STAU2: variants seen among roughly 807,000 people sequenced by gnomAD.
The protein encoded by STAU2 is staufen double-stranded RNA binding protein 2.
Under a neutral mutation model 65.9 loss-of-function variants are expected in STAU2, and 20 were observed. That is an observed-to-expected ratio of 0.30 (90% CI 0.21 to 0.44). The LOEUF (loss-of-function observed/expected upper bound fraction) is 0.44. Ranked by LOEUF, STAU2 falls within the 20% of genes least tolerant of loss-of-function variation. The probability of loss-of-function intolerance (pLI) is 1.00; values close to 1 mark genes in which losing one functional copy is unlikely to be tolerated. For missense variants in STAU2, 558 were observed against 683.9 expected, an observed-to-expected ratio of 0.82 and a Z score of 2.05; for synonymous variants, 232 against 233.9, an observed-to-expected ratio of 0.99 and a Z score of 0.07.
intron 13 of STAU2, among the ~76,000 whole-genome samples, chr8:73,460,181 A>C (rs1819278372): frequency 6.6e-6 from 1 of 152,142 alleles, no homozygotes; most frequent in Non-Finnish European, 1.5e-5. Flanking sequence ...TTCTGGCAAA[A>C]CATTCCTTCT....
rs1020525639 is a variant in STAU2, at chr8:73,433,443, A to T, written c.1531-10741T>A. Among the ~76,000 whole-genome samples, 33 of 149,348 alleles carry T rather than the reference A, an allele frequency of 2.2e-4. 1 individual carries two copies. The highest frequency in any genetic ancestry group is 2.1e-4 in the South Asian group (1 of 4,764). Reference sequence around the variant, plus strand: ...ATGGTCTCGATCTCCTGACCTCATGATCCGCCCACCTCGGCCTCCCAAAGC... The same window carrying T: ...ATGGTCTCGATCTCCTGACCTCATGTTCCGCCCACCTCGGCCTCCCAAAGC... On this transcript the variant is annotated intron_variant, in intron 13 of 14. Transcript: ENST00000524300.
intron 6 of STAU2, among the ~76,000 whole-genome samples, chr8:73,626,362 A>G (rs1161701073): frequency 6.6e-6 from 1 of 152,220 alleles, no homozygotes; most frequent in Non-Finnish European, 1.5e-5. Flanking sequence ...ACAAGCCCTG[A>G]GTCAAGGAAT....
intron 10 of STAU2, 89 bp from the exon 11 acceptor site, chr8:73,595,386 T>C (rs879216224): frequency 3.3e-6 from 4 of 1,223,118 alleles, no homozygotes; most frequent in South Asian, 1.9e-5. Flanking sequence ...TTCTACTCTC[T>C]AGCATTTGAA....
intron 12 of STAU2, among the ~76,000 whole-genome samples, chr8:73,572,189 G>A (rs1382241116): frequency 1.3e-5 from 2 of 152,178 alleles, no homozygotes; most frequent in Non-Finnish European, 2.9e-5. Flanking sequence ...ACCCTCCTAA[G>A]ACTAAACCAG....
chr8:73,481,519 A>AC lies in STAU2; in HGVS notation c.1531-58818_1531-58817insG, dbSNP rs1554595578. ...ATAAGCCAAAAAAACAAAAAAACAAAAAAAAAAAACACTTTTTTTGAGTGA... is the reference window on the plus strand; with the variant it reads ...ATAAGCCAAAAAAACAAAAAAACAAACAAAAAAAAACACTTTTTTTGAGTGA... On this transcript the variant is annotated intron_variant, in intron 13 of 14. Transcript: ENST00000524300. 8.2e-4 allele frequency among the ~76,000 whole-genome samples: 108 copies of AC among 131,478 alleles called. 3 individuals carry two copies. The highest frequency in any genetic ancestry group is 3.1e-3 in the African/African-American group (106 of 34,746). The allele number at this position is 131,478 out of a possible 152,430, so 86.3% of individuals were successfully genotyped here.
At chr8:73,557,432 G>T (rs572851685) in intron 12 of STAU2, among the ~76,000 whole-genome samples, 8 of 152,124 alleles carry the variant, frequency 5.3e-5, no homozygotes, top group African/African-American at 1.7e-4. Context: ...AATTTAAGTC[G>T]CTTTTCAATA....
At chr8:73,621,189 G>C (rs1276020066) in intron 6 of STAU2, among the ~76,000 whole-genome samples, 1 of 152,118 alleles carries the variant, frequency 6.6e-6, no homozygotes, top group Non-Finnish European at 1.5e-5. Flanking sequence ...GAGGGACCTG[G>C]TTGGAGGTTA....
chr8:73,473,221 C>CT, intron 13 of STAU2, among the ~76,000 whole-genome samples: 1 of 152,164 alleles, frequency 6.6e-6, no homozygotes, highest in East Asian at 1.9e-4. Context: ...GCAGTGGTGA[C>CT]TTTCATCAGT....
chr8:73,533,849 C>T (rs2128934362), intron 13 of STAU2, among the ~76,000 whole-genome samples: 1 of 152,246 alleles, frequency 6.6e-6, no homozygotes, highest in African/African-American at 2.4e-5. Flanking sequence ...AAATTTCCTA[C>T]CCCCAGCTCC....
At chr8:73,447,576 T>C (rs141710899) in intron 13 of STAU2, among the ~76,000 whole-genome samples, 1 of 152,370 alleles carries the variant, frequency 6.6e-6, no homozygotes, top group East Asian at 1.9e-4. Context: ...TTTTGATAGA[T>C]AATGTCAAAT....
At chr8:73,514,664 A>G (rs925600817) in intron 13 of STAU2, among the ~76,000 whole-genome samples, 2 of 152,214 alleles carry the variant, frequency 1.3e-5, no homozygotes, top group African/African-American at 4.8e-5. Context: ...GATCATTCCT[A>G]TACTCCATAG....
At chr8:73,715,451 CAA>C (rs35959123) in intron 3 of STAU2, among the ~76,000 whole-genome samples, 6 of 123,862 alleles carry the variant, frequency 4.8e-5, no homozygotes, top group African/African-American at 6.3e-5. Context: ...GTGAGACTGT[CAA>C]AAAAAAAAAA....
Position 73,550,057 on chromosome 8 carries a change from G to A in STAU2, c.1530+1955C>T, listed in dbSNP as rs190315635. The A allele has an allele frequency of 1.2e-4, 117 of 985,362 alleles. No homozygotes were observed. In the East Asian group the frequency reaches 3.7e-3, roughly 32 times the overall value. The allele number at this position is 985,362 out of a possible 1,614,324, so 61.0% of individuals were successfully genotyped here. On this transcript the variant is annotated intron_variant, in intron 13 of 14. Coordinates refer to ENST00000524300, the MANE Select transcript of STAU2 (RefSeq NM_001164380.2). ...ATGTGGCCAGACTAAGTCATTTCCC[G>A]GAGATTCTGCTCACTGCTTAGCTGC...
chr8:73,727,081 T>G (rs1805693656), intron 3 of STAU2, among the ~76,000 whole-genome samples: 1 of 151,906 alleles, frequency 6.6e-6, no homozygotes, highest in South Asian at 2.1e-4. Flanking sequence ...AATACAAAAT[T>G]TAGCTGGGCG....
intron 6 of STAU2, among the ~76,000 whole-genome samples, chr8:73,637,477 TAAAAAAAAAAAA>T (rs60833468): frequency 5.3e-5 from 3 of 57,086 alleles, no homozygotes; most frequent in African/African-American, 7.3e-5. Context: ...GTGCTGAAAG[TAAAAAAAAAAAA>T]AAAAAAAAAA....
chr8:73,673,662 A>G (rs1295582026), intron 5 of STAU2, among the ~76,000 whole-genome samples: 1 of 152,176 alleles, frequency 6.6e-6, no homozygotes, highest in Non-Finnish European at 1.5e-5. Context: ...AAGCATTGGC[A>G]AGAAAGTCAT....
At chr8:73,487,757 A>G (rs950862987) in intron 13 of STAU2, among the ~76,000 whole-genome samples, 1 of 152,144 alleles carries the variant, frequency 6.6e-6, no homozygotes, top group Non-Finnish European at 1.5e-5. Context: ...AGCTTAATAC[A>G]GATTAACCAC....
At chr8:73,707,537 A>T (rs1425259197) in intron 4 of STAU2, among the ~76,000 whole-genome samples, 1 of 152,130 alleles carries the variant, frequency 6.6e-6, no homozygotes, top group Non-Finnish European at 1.5e-5. Flanking sequence ...TGCTAAAGAG[A>T]GTGAAAGTGA....
rs376562603 is a variant in STAU2, at chr8:73,629,000, A to G, written c.411-11549T>C. Among the ~76,000 whole-genome samples the G allele has an allele frequency of 2.0e-5, 3 of 152,340 alleles. No individual in the cohort carries two copies. The South Asian group carries it at 6.2e-4, about 32-fold the overall frequency. On this transcript the variant is annotated intron_variant, in intron 6 of 14. Transcript: ENST00000524300. ...ACATCAGCGGTATTGCAGAAAGATT[A>G]ATGTGCTTTGTTTGGAGATGCAAAC...
Sources: gnomAD v4.1 joint callset for allele counts (sites outside exome capture counted in the v4.1 genomes callset) on GRCh38, gnomAD v4.1.1 for gene constraint, MANE v1.5 for transcripts, NCBI Gene and HGNC (gene_info 2026-07-23, HGNC 2026-07-21) for gene names.